The following TTC29 variants were observed in gnomAD, a reference collection of about 807,000 sequenced individuals.
The protein encoded by TTC29 is tetratricopeptide repeat domain 29.
TTC29 carries 49 observed loss-of-function variants against 58.1 expected under a neutral mutation model. The ratio of observed to expected loss-of-function variants is 0.84; its 90% CI spans 0.67 to 1.07. The LOEUF is 1.07. TTC29 is among the 50% of genes least tolerant of loss of function. The pLI is 0.00. For synonymous variants in TTC29, 209 were observed against 196.8 expected (o/e 1.06, Z -0.52); for missense variants, 582 against 555.6 (o/e 1.05, Z -0.48).
intron 11 of TTC29, among the ~76,000 whole-genome samples, chr4:146,730,291 A>C (rs1181545776): frequency 1.3e-5 from 2 of 152,082 alleles, no homozygotes; most frequent in Non-Finnish European, 2.9e-5. Context: ...GCATTACCCT[A>C]AGTGATTAAC....
intron 7 of TTC29, among the ~76,000 whole-genome samples, chr4:146,874,446 C>T (rs1731122635): frequency 6.6e-6 from 1 of 152,108 alleles, no homozygotes; most frequent in Non-Finnish European, 1.5e-5. Flanking sequence ...GATGATCTTA[C>T]CTGCTCACTT....
intron 9 of TTC29, among the ~76,000 whole-genome samples, chr4:146,824,513 T>C (rs759290529): frequency 4.6e-5 from 7 of 152,154 alleles, no homozygotes; most frequent in Non-Finnish European, 8.8e-5. Flanking sequence ...CAGTATTTTA[T>C]TGAGAATTTT....
chr4:146,773,187 T>C (rs1747856107), intron 11 of TTC29, among the ~76,000 whole-genome samples: 1 of 152,104 alleles, frequency 6.6e-6, no homozygotes. Context: ...CCTTTCTCTT[T>C]TTCTATTTGG....
In TTC29 at chr4:146,899,203, A is replaced by C. The variant is rs556636405; in HGVS notation, c.586+4341T>G. ...CTGGCAGGATAGGATTGAAATGAAGAATGTGCCACTCATCTTGCTATTGTT... is the reference window on the plus strand; with the variant it reads ...CTGGCAGGATAGGATTGAAATGAAGCATGTGCCACTCATCTTGCTATTGTT... On this transcript the variant is annotated intron_variant, in intron 6 of 12. Coordinates refer to ENST00000325106, the MANE Select transcript of TTC29 (RefSeq NM_031956.4). 1.4e-3 allele frequency among the ~76,000 whole-genome samples: 216 copies of C among 152,244 alleles called. 1 individual carries two copies. Among genetic ancestry groups the C allele is most frequent in the African/African-American group, 4.9e-3 (204 of 41,528 alleles).
At chr4:146,909,433 G>A (rs1349303291) in intron 4 of TTC29, among the ~76,000 whole-genome samples, 184 bp from the exon 5 acceptor site, 1 of 152,126 alleles carries the variant, frequency 6.6e-6, no homozygotes, top group African/African-American at 2.4e-5. Flanking sequence ...TTTAATGAAA[G>A]ATGCCAGGAG....
At chr4:146,914,193 A>G (rs1427838378) in intron 4 of TTC29, among the ~76,000 whole-genome samples, 2 of 152,178 alleles carry the variant, frequency 1.3e-5, no homozygotes, top group African/African-American at 4.8e-5. Flanking sequence ...TATCTAAAAA[A>G]AAGGAATGTC....
At chr4:146,937,558 A>T in intron 4 of TTC29, 36 bp downstream of exon 4, 1 of 1,306,200 alleles carries the variant, frequency 7.7e-7, no homozygotes, top group South Asian at 1.4e-5. Flanking sequence ...AAAGAAACAA[A>T]CTTTATATTA....
intron 11 of TTC29, among the ~76,000 whole-genome samples, chr4:146,760,472 T>C (rs1020185181): frequency 6.6e-6 from 1 of 151,850 alleles, no homozygotes; most frequent in Non-Finnish European, 1.5e-5. Context: ...AGAGCCCACA[T>C]AGCCAAACCA....
At chr4:146,902,715 G>C (rs916521557) in intron 6 of TTC29, among the ~76,000 whole-genome samples, 2 of 152,058 alleles carry the variant, frequency 1.3e-5, no homozygotes, top group African/African-American at 4.8e-5. Context: ...TGTCTAGCAC[G>C]CATGGTGGCT....
chr4:146,821,591 G>C (rs1345179471), intron 9 of TTC29, among the ~76,000 whole-genome samples: 2 of 152,172 alleles, frequency 1.3e-5, no homozygotes, highest in South Asian at 4.1e-4. Flanking sequence ...TTCTAGCAGA[G>C]AATTTGGCAT....
chr4:146,925,882 T>C (rs1400860933), intron 4 of TTC29, among the ~76,000 whole-genome samples: 1 of 152,188 alleles, frequency 6.6e-6, no homozygotes, highest in African/African-American at 2.4e-5. Flanking sequence ...TCCATTTTCT[T>C]TCCAGCTTAT....
chr4:146,903,824 T>G (rs1237316143), intron 5 of TTC29, 95 bp from the exon 6 acceptor site: 3 of 932,806 alleles, frequency 3.2e-6, no homozygotes, highest in Non-Finnish European at 4.3e-6. Flanking sequence ...TTCCTATTTT[T>G]CCTTAAAGAT....
intron 4 of TTC29, among the ~76,000 whole-genome samples, chr4:146,931,561 C>A (rs1231856720): frequency 6.6e-6 from 1 of 152,110 alleles, no homozygotes; most frequent in African/African-American, 2.4e-5. Context: ...AACCTTAAGA[C>A]AATACAGGTA....
intron 4 of TTC29, among the ~76,000 whole-genome samples, chr4:146,911,615 T>C (rs550202846): frequency 6.6e-6 from 1 of 152,338 alleles, no homozygotes; most frequent in Non-Finnish European, 1.5e-5. Flanking sequence ...TTCAGTAGCC[T>C]GGCAAGTTCA....
chr4:146,933,520 T>A (rs1735507954), intron 4 of TTC29, among the ~76,000 whole-genome samples: 1 of 152,230 alleles, frequency 6.6e-6, no homozygotes, highest in African/African-American at 2.4e-5. Flanking sequence ...GAATTAAAAA[T>A]CCGAAGTACA....
At chr4:146,869,068 G>T (rs781135887) in intron 7 of TTC29, among the ~76,000 whole-genome samples, 1 of 141,274 alleles carries the variant, frequency 7.1e-6, no homozygotes. Flanking sequence ...CTGGCACCAT[G>T]CTTCTTGTAC....
At chr4:146,925,005 T>C (rs1246706561) in intron 4 of TTC29, among the ~76,000 whole-genome samples, 1 of 152,016 alleles carries the variant, frequency 6.6e-6, no homozygotes, top group Non-Finnish European at 1.5e-5. Context: ...GCTTCCCAAT[T>C]CGGGAAGATT....
Position 146,907,120 on chromosome 4 carries a change from TCAAAA to T in TTC29, c.400+1901_400+1905del, listed in dbSNP as rs1415947029. Among the ~76,000 whole-genome samples the T allele has an allele frequency of 2.0e-5, 3 of 152,190 alleles. No individual in the cohort carries two copies. In the East Asian group the frequency reaches 5.8e-4, roughly 29 times the overall value. On this transcript the variant is annotated intron_variant, in intron 5 of 12. Transcript: ENST00000325106. ...CTGGTTGACAGAACAAGAGTTTGTC[TCAAAA>T]CAAAACAAAAAGTTAGGCTTTGTTA... is the stretch of plus-strand genomic sequence containing the variant.
chr4:146,927,247 C>A (rs923814666), intron 4 of TTC29, among the ~76,000 whole-genome samples: 3 of 151,972 alleles, frequency 2.0e-5, no homozygotes, highest in Non-Finnish European at 4.4e-5. Context: ...GAAACAGGTC[C>A]TATTATCATT....
Sources: allele counts gnomAD v4.1 joint callset (sites outside exome capture counted in the v4.1 genomes callset), GRCh38; gene constraint gnomAD v4.1.1; transcripts MANE v1.5; gene names NCBI Gene and HGNC (gene_info 2026-07-23, HGNC 2026-07-21).